Variants in KAZN observed in about 807,000 individuals in gnomAD.
KAZN encodes kazrin.
A neutral mutation model predicts 87.4 loss-of-function variants in KAZN; 40 were observed. The ratio of observed to expected loss-of-function variants is 0.46; its 90% confidence interval spans 0.36 to 0.60. The LOEUF is 0.60. Among genes scored for constraint, KAZN ranks in the 20% least tolerant of loss-of-function variants. The probability of loss-of-function intolerance (pLI) is 0.00; values close to 1 mark genes in which losing one functional copy is unlikely to be tolerated. For synonymous variants in KAZN, 466 were observed against 458.3 expected (o/e 1.02, Z -0.22); for missense variants, 898 against 1,073.9 (o/e 0.84, Z 2.29).
intron 2 of KAZN, among the ~76,000 whole-genome samples, chr1:14,407,627 T>C (rs897761173): frequency 1.3e-5 from 2 of 152,146 alleles, no homozygotes; most frequent in Non-Finnish European, 2.9e-5. Flanking sequence ...AGTTTCCTGA[T>C]CTCTCTACAC....
Position 14,691,609 on chromosome 1 carries a change from C to T in KAZN, c.226+92386C>T, listed in dbSNP as rs1321374133. On this transcript the variant is annotated intron_variant, in intron 1 of 14. Transcript: ENST00000376030. ...TCAAGTGATTCTCCTGCCTCAGCCT[C>T]CCGAGTAGCTGGGATCACAGGTGCA... Among the ~76,000 whole-genome samples the T allele has an allele frequency of 3.9e-5, 6 of 152,170 alleles. No homozygotes were observed. In the East Asian group the frequency reaches 1.2e-3, roughly 29 times the overall value.
intron 2 of KAZN, among the ~76,000 whole-genome samples, chr1:14,420,341 C>CTGATTGGTGCATTTACAAACCT (rs1392588587): frequency 5.3e-5 from 8 of 152,220 alleles, no homozygotes; most frequent in African/African-American, 1.9e-4. Context: ...ACACAGGGTG[C>CTGATTGGTGCATTTACAAACCT]TGATTGGTGC....
chr1:14,480,586 CATATTAT>C (rs941399204), intron 2 of KAZN, among the ~76,000 whole-genome samples: 1 of 144,546 alleles, frequency 6.9e-6, no homozygotes, highest in Non-Finnish European at 1.5e-5. Flanking sequence ...ACATAATATT[CATATTAT>C]ATATTATATT....
intron 1 of KAZN, among the ~76,000 whole-genome samples, chr1:14,887,379 G>A (rs565860699): frequency 9.2e-5 from 14 of 152,298 alleles, no homozygotes; most frequent in African/African-American, 3.1e-4. Flanking sequence ...TGTGGCATGG[G>A]CTGCCGCTGA....
rs374385996 is a variant in KAZN at position 15,017,661 on chromosome 1, G to A, written c.419-17088G>A. On this transcript the variant is annotated intron_variant, in intron 2 of 14. Coordinates refer to ENST00000376030, the MANE Select transcript of KAZN (RefSeq NM_201628.3). The stretch of plus-strand genomic sequence containing the variant: ...TCTACTAAAAATACAAAAAGTAGCC[G>A]GGCATGGTGGTGGGCACCTGTAATC... Among the ~76,000 whole-genome samples the A allele has an allele frequency of 5.2e-4, 79 of 152,184 alleles. 1 individual carries two copies. The highest frequency in any genetic ancestry group is 1.0e-3 in the African/African-American group (42 of 41,526).
chr1:14,464,532 C>CTTT (rs375737532), intron 2 of KAZN, among the ~76,000 whole-genome samples: 1 of 148,698 alleles, frequency 6.7e-6, no homozygotes, highest in African/African-American at 2.5e-5. Flanking sequence ...TAAATAATTT[C>CTTT]TTTTTTTTTT....
At position 15,067,580 on chromosome 1, in the gene KAZN, T is replaced by C. The variant is rs971747751; in HGVS notation, c.1222+1827T>C. Reference sequence around the variant, plus strand: ...GTCGTGCTTTCTGCTAACGGTGACATTTTCAGCTCTTAAAAAGAAGCAAGG... The same window carrying C: ...GTCGTGCTTTCTGCTAACGGTGACACTTTCAGCTCTTAAAAAGAAGCAAGG... On this transcript the variant is annotated intron_variant, in intron 8 of 14. Coordinates refer to ENST00000376030, the MANE Select transcript of KAZN (RefSeq NM_201628.3). 1.7e-4 allele frequency: 172 copies of C among 985,336 alleles called. 1 individual carries two copies. The highest frequency in any genetic ancestry group is 2.0e-4 in the Non-Finnish European group (166 of 829,938). The allele number at this position is 985,336 out of a possible 1,614,324, so 61.0% of individuals were successfully genotyped here.
intron 2 of KAZN, among the ~76,000 whole-genome samples, chr1:14,205,594 C>T (rs1646722697): frequency 6.6e-6 from 1 of 151,926 alleles, no homozygotes; most frequent in Non-Finnish European, 1.5e-5. Context: ...TGAACACATA[C>T]ATCAATTAAA....
intron 2 of KAZN, among the ~76,000 whole-genome samples, chr1:14,465,512 C>T (rs549408156): frequency 2.0e-4 from 30 of 151,890 alleles, no homozygotes; most frequent in African/African-American, 6.8e-4. Context: ...TTCCCTAGCA[C>T]AGAACCAAGG....
intron 2 of KAZN, among the ~76,000 whole-genome samples, chr1:14,373,386 G>A (rs1032493594): frequency 2.6e-5 from 4 of 152,012 alleles, no homozygotes; most frequent in South Asian, 4.2e-4. Context: ...TGTAAGTCCC[G>A]GTCCAAGAGC....
intron 1 of KAZN, among the ~76,000 whole-genome samples, chr1:14,082,152 G>A (rs978743691): frequency 6.6e-6 from 1 of 152,140 alleles, no homozygotes; most frequent in Admixed American, 6.5e-5. Context: ...TCCCTGAGTG[G>A]TAAAGCAGCA....
Position 15,034,791 on chromosome 1 carries a change from A to T in KAZN, c.461A>T (p.Asp154Val), listed in dbSNP as rs752191453. 3 of 1,613,958 alleles carry T rather than the reference A, an allele frequency of 1.9e-6. No individual in the cohort carries two copies. The highest frequency in any genetic ancestry group is 2.5e-6 in the Non-Finnish European group (3 of 1,180,010). The change falls in exon 3 of 15, where the codon GAC (aspartate) becomes GTC (valine). Residue 154 changes from aspartate (D) to valine (V), a missense_variant. By Grantham distance (152) the Asp-to-Val change is radical (BLOSUM62 -3). Coordinates refer to ENST00000376030, the MANE Select transcript of KAZN (RefSeq NM_201628.3). Reference protein sequence around the residue: ...DRKRLKGEKTDLVSQMQQLYA... With the variant: ...DRKRLKGEKTVLVSQMQQLYA... ...AAGCGCTTAAAGGGCGAGAAGACAG[A>T]CCTGGTGAGCCAGATGCAGCAGCTG...
intron 2 of KAZN, among the ~76,000 whole-genome samples, chr1:14,187,855 C>T (rs1276224771): frequency 6.6e-6 from 1 of 152,122 alleles, no homozygotes; most frequent in Non-Finnish European, 1.5e-5. Flanking sequence ...TTATTTCAAG[C>T]CCTATAATTG....
intron 1 of KAZN, among the ~76,000 whole-genome samples, chr1:14,752,475 C>T (rs1644439565): frequency 6.6e-6 from 1 of 152,204 alleles, no homozygotes. Context: ...ATTTATCTCT[C>T]ATAGCTCTGG....
intron 2 of KAZN, among the ~76,000 whole-genome samples, chr1:14,226,056 AC>A (rs1292797362): frequency 6.6e-5 from 10 of 152,134 alleles, no homozygotes; most frequent in African/African-American, 1.9e-4. Flanking sequence ...AAACAAAAAA[AC>A]AAAACAACAA....
At chr1:13,902,520 C>A (rs1364444124) in intron 1 of KAZN, among the ~76,000 whole-genome samples, 1 of 152,124 alleles carries the variant, frequency 6.6e-6, no homozygotes, top group African/African-American at 2.4e-5. Context: ...GTTCCCAAAC[C>A]CTGGCGGCTA....
chr1:13,988,851 T>C (rs1237033897), intron 1 of KAZN, among the ~76,000 whole-genome samples: 1 of 152,204 alleles, frequency 6.6e-6, no homozygotes, highest in Non-Finnish European at 1.5e-5. Flanking sequence ...AAAATACACT[T>C]GTGAAAACAT....
At chr1:14,269,104 C>T (rs1651719475) in intron 2 of KAZN, among the ~76,000 whole-genome samples, 1 of 152,178 alleles carries the variant, frequency 6.6e-6, no homozygotes, top group South Asian at 2.1e-4. Context: ...CTCTCTCTCT[C>T]TGTCTCTTAA....
chr1:14,824,555 C>T lies in KAZN; in HGVS notation c.227-136129C>T, dbSNP rs12084782. On this transcript the variant is annotated intron_variant, in intron 1 of 14. Coordinates refer to ENST00000376030, the MANE Select transcript of KAZN (RefSeq NM_201628.3). ...ACAGGTTTCAGAGTCCAAGGAGCGA[C>T]GCTTGCATCTTGACTGTCCTTGCTG... 3.2e-3 allele frequency among the ~76,000 whole-genome samples: 493 copies of T among 152,290 alleles called. 5 individuals are homozygous for T. Among genetic ancestry groups the T allele is most frequent in the African/African-American group, 0.012 (483 of 41,556 alleles).
Sources: gnomAD v4.1 joint callset for allele counts (sites outside exome capture counted in the v4.1 genomes callset) on GRCh38, gnomAD v4.1.1 for gene constraint, MANE v1.5 for transcripts, NCBI Gene and HGNC (gene_info 2026-07-23, HGNC 2026-07-21) for gene names.